The following ADORA2B variants were observed in gnomAD, a reference collection of about 807,000 sequenced individuals.
ADORA2B encodes adenosine receptor A2b.
Under a neutral mutation model 20.8 loss-of-function variants are expected in ADORA2B, and 18 were observed. That is an observed-to-expected ratio of 0.87 (90% CI 0.60 to 1.29). The LOEUF is 1.29. Ranked by LOEUF, ADORA2B falls within the 50% of genes most tolerant of loss-of-function variation. The pLI, the probability that ADORA2B is intolerant of heterozygous loss-of-function variation, is 0.00. For synonymous variants in ADORA2B, 179 were observed against 178.3 expected (o/e 1.00, Z -0.03); for missense variants, 441 against 422.7 (o/e 1.04, Z -0.38).
intron 1 of ADORA2B, among the ~76,000 whole-genome samples, chr17:15,947,596 G>A (rs1477190290): frequency 1.3e-5 from 2 of 152,324 alleles, no homozygotes; most frequent in Non-Finnish European, 2.9e-5. Flanking sequence ...TGGAAGAGGT[G>A]CACAGGCAGT....
At chr17:15,891,440 T>G in the ADORA2B span, among the ~76,000 whole-genome samples, 1 of 152,198 alleles carries the variant, frequency 6.6e-6, no homozygotes, top group Admixed American at 6.5e-5. Context: ...CACCAGACCT[T>G]TAATGTAAGT....
intron 1 of ADORA2B, among the ~76,000 whole-genome samples, chr17:15,962,671 A>G (rs1970055505): frequency 6.6e-6 from 1 of 152,132 alleles, no homozygotes; most frequent in African/African-American, 2.4e-5. Flanking sequence ...AGCTGGGATT[A>G]CAGGCGCCTT....
the ADORA2B span, among the ~76,000 whole-genome samples, chr17:15,923,468 G>T: frequency 1.3e-5 from 2 of 150,884 alleles, no homozygotes; most frequent in Non-Finnish European, 2.9e-5. Context: ...GCAGTGGCGC[G>T]ATCTCGGCTC....
At chr17:15,926,374 G>A in the ADORA2B span, among the ~76,000 whole-genome samples, 1 of 151,896 alleles carries the variant, frequency 6.6e-6, no homozygotes. Context: ...GGAAAGAAGA[G>A]CCAGAGAGAG....
intron 1 of ADORA2B, among the ~76,000 whole-genome samples, chr17:15,954,632 T>C (rs531211961): frequency 3.2e-4 from 49 of 152,206 alleles, no homozygotes; most frequent in Non-Finnish European, 5.7e-4. Flanking sequence ...CCTGGTGCAA[T>C]GGCTCGCACC....
chr17:15,937,510 G>A, the ADORA2B span, among the ~76,000 whole-genome samples: 1 of 151,992 alleles, frequency 6.6e-6, no homozygotes, highest in Admixed American at 6.6e-5. Context: ...TGTCTTTCCT[G>A]GGCCTATGCA....
the ADORA2B span, among the ~76,000 whole-genome samples, chr17:15,908,794 T>C: frequency 6.6e-6 from 1 of 152,252 alleles, no homozygotes; most frequent in African/African-American, 2.4e-5. Flanking sequence ...AAACAGAGTG[T>C]ACCTGTTTCA....
the ADORA2B span, chr17:15,860,705 G>A: frequency 6.6e-6 from 1 of 152,438 alleles, no homozygotes; most frequent in Middle Eastern, 2.9e-3. Context: ...TACATCAGAA[G>A]CATATATATG....
In ADORA2B at chr17:15,955,567, C is replaced by T. The variant is rs189626862; in HGVS notation, c.335+9984C>T. 1.1e-3 allele frequency among the ~76,000 whole-genome samples: 165 copies of T among 151,656 alleles called. 1 individual carries two copies. The highest frequency in any genetic ancestry group is 3.3e-3 in the African/African-American group (136 of 41,336). On this transcript the variant is annotated intron_variant, in intron 1 of 1. Transcript: ENST00000304222. ...GACTACAGGCATGTACCACCAAGTC[C>T]GGCTGTATTTTGTATTTTTTAGTAG...
chr17:15,880,011 A>G, the ADORA2B span, among the ~76,000 whole-genome samples: 32,134 of 145,022 alleles, frequency 0.22, 3,983 homozygotes, highest in Non-Finnish European at 0.27. Context: ...TGGGACTGAT[A>G]CCCTTGTTTT....
chr17:15,871,918 T>C, the ADORA2B span, among the ~76,000 whole-genome samples: 1 of 152,158 alleles, frequency 6.6e-6, no homozygotes, highest in Admixed American at 6.5e-5. Context: ...CTCTGATCAT[T>C]GAACATGGGC....
the ADORA2B span, among the ~76,000 whole-genome samples, chr17:15,890,800 A>C: frequency 1.3e-5 from 2 of 152,192 alleles, no homozygotes; most frequent in Non-Finnish European, 2.9e-5. Flanking sequence ...TAGCCGAAGC[A>C]GCCCATTTTA....
At chr17:15,900,102 C>G in the ADORA2B span, among the ~76,000 whole-genome samples, 13 of 152,078 alleles carry the variant, frequency 8.5e-5, no homozygotes, top group Non-Finnish European at 1.6e-4. Flanking sequence ...AGTGCTGGGA[C>G]TACAGGCATG....
chr17:15,917,369 G>T, the ADORA2B span, among the ~76,000 whole-genome samples: 1 of 152,226 alleles, frequency 6.6e-6, no homozygotes, highest in Non-Finnish European at 1.5e-5. Flanking sequence ...ACGGAGTCTC[G>T]GAGTCTCGAG....
At chr17:15,869,423 G>A in the ADORA2B span, among the ~76,000 whole-genome samples, 2 of 151,950 alleles carry the variant, frequency 1.3e-5, no homozygotes, top group Admixed American at 1.3e-4. Flanking sequence ...TTGGGAGGCA[G>A]GATTCACAAG....
chr17:15,892,967 G>A, the ADORA2B span, among the ~76,000 whole-genome samples: 2 of 152,076 alleles, frequency 1.3e-5, no homozygotes, highest in Non-Finnish European at 1.5e-5. Context: ...GCTTTACCCC[G>A]TCCTGCTGCA....
the ADORA2B span, among the ~76,000 whole-genome samples, chr17:15,858,494 G>A: frequency 1.3e-5 from 2 of 152,142 alleles, no homozygotes; most frequent in African/African-American, 2.4e-5. Flanking sequence ...GGAGAACTGG[G>A]GTGCAGGAGT....
At chr17:15,890,553 CTTCT>C in the ADORA2B span, among the ~76,000 whole-genome samples, 2 of 150,530 alleles carry the variant, frequency 1.3e-5, no homozygotes, top group Non-Finnish European at 3.0e-5. Flanking sequence ...AATCTTAGTT[CTTCT>C]TTATTTTCTT....
At chr17:15,905,594 A>G in the ADORA2B span, among the ~76,000 whole-genome samples, 5 of 151,304 alleles carry the variant, frequency 3.3e-5, no homozygotes, top group Non-Finnish European at 1.5e-5. Context: ...GTTAGCTAGG[A>G]TAGTCTCGAT....
Sources: allele counts gnomAD v4.1 joint callset (sites outside exome capture counted in the v4.1 genomes callset), GRCh38; gene constraint gnomAD v4.1.1; transcripts MANE v1.5; gene names NCBI Gene and HGNC (gene_info 2026-07-23, HGNC 2026-07-21).